The following PIGN variants were observed in gnomAD, a reference collection of about 807,000 sequenced individuals.
PIGN encodes phosphatidylinositol glycan anchor biosynthesis class N.
Under a neutral mutation model 125.4 loss-of-function variants are expected in PIGN, and 117 were observed. That is an observed-to-expected ratio of 0.93 (90% CI 0.80 to 1.09). The LOEUF is 1.09. Ranked by LOEUF, PIGN falls within the 50% of genes least tolerant of loss-of-function variation. The probability of loss-of-function intolerance (pLI) is 0.00; values close to 1 mark genes in which losing one functional copy is unlikely to be tolerated. For missense variants in PIGN, 1,075 were observed against 1,094.9 expected (o/e 0.98, Z 0.26); for synonymous variants, 392 against 377.8 (o/e 1.04, Z -0.44).
chr18:62,142,387 A>C (rs1599618861), intron 11 of PIGN, among the ~76,000 whole-genome samples: 1 of 152,366 alleles, frequency 6.6e-6, no homozygotes, highest in Middle Eastern at 3.4e-3. Context: ...TGGTCTGGCT[A>C]TGAATAAGGG....
chr18:62,132,179 T>C (rs950479491), intron 14 of PIGN, among the ~76,000 whole-genome samples: 1 of 152,184 alleles, frequency 6.6e-6, no homozygotes, highest in African/African-American at 2.4e-5. Flanking sequence ...CATGCTGACA[T>C]TATGTGCATA....
intron 14 of PIGN, among the ~76,000 whole-genome samples, chr18:62,132,179 T>A (rs950479491): frequency 1.3e-5 from 2 of 152,300 alleles, no homozygotes; most frequent in Non-Finnish European, 1.5e-5. Flanking sequence ...CATGCTGACA[T>A]TATGTGCATA....
chr18:62,120,514 A>T (rs2035262829), intron 14 of PIGN, among the ~76,000 whole-genome samples: 3 of 152,162 alleles, frequency 2.0e-5, no homozygotes, highest in South Asian at 2.1e-4. Flanking sequence ...AGTAAATCTA[A>T]ATAAATGTTG....
At chr18:62,082,580 T>C (rs1311331997) in intron 28 of PIGN, 93 bp downstream of exon 28, 3 of 692,934 alleles carry the variant, frequency 4.3e-6, no homozygotes, top group Non-Finnish European at 7.7e-6. Context: ...TGTTACAGTG[T>C]CTTAATAGCA....
At chr18:62,132,760 T>C (rs1330539667) in intron 14 of PIGN, among the ~76,000 whole-genome samples, 1 of 152,230 alleles carries the variant, frequency 6.6e-6, no homozygotes, top group East Asian at 1.9e-4. Context: ...TTATATTTTA[T>C]AGACCTCACA....
At chr18:62,022,699 GTATT>G (rs1568102714) in intron 23 of PIGN, among the ~76,000 whole-genome samples, 1 of 152,078 alleles carries the variant, frequency 6.6e-6, no homozygotes, top group African/African-American at 2.4e-5. Context: ...AATGAAACTA[GTATT>G]TATTTAGTAC....
chr18:62,163,773 A>C, intron 1 of PIGN, 117 bp from the exon 2 acceptor site: 1 of 152,206 alleles, frequency 6.6e-6, no homozygotes, highest in Non-Finnish European at 1.5e-5. Context: ...TGTACAACCA[A>C]TCTCCAGAAC....
chr18:62,021,865 C>G (rs1370206773), intron 23 of PIGN, among the ~76,000 whole-genome samples: 33 of 152,310 alleles, frequency 2.2e-4, no homozygotes, highest in Non-Finnish European at 7.4e-5. Flanking sequence ...ACATTCTTAT[C>G]TGGAGCTTTA....
chr18:62,047,073 C>CAAGGA (rs2030780861), intron 30 of PIGN, among the ~76,000 whole-genome samples: 1 of 152,228 alleles, frequency 6.6e-6, no homozygotes, highest in African/African-American at 2.4e-5. Flanking sequence ...AAGGGACAGA[C>CAAGGA]AAGGAAAGGG....
chr18:62,071,242 C>G (rs1157829392), intron 30 of PIGN, among the ~76,000 whole-genome samples: 1 of 152,180 alleles, frequency 6.6e-6, no homozygotes, highest in Non-Finnish European at 1.5e-5. Flanking sequence ...CCTCATTTTT[C>G]TAAACAGAGA....
At chr18:62,107,939 C>T (rs185597497) in intron 17 of PIGN, among the ~76,000 whole-genome samples, 1 of 152,154 alleles carries the variant, frequency 6.6e-6, no homozygotes, top group East Asian at 1.9e-4. Context: ...AACTCATAAC[C>T]ATCAAAAATG....
At chr18:62,112,538 T>A (rs1039216576) in intron 16 of PIGN, 5 of 152,300 alleles carry the variant, frequency 3.3e-5, no homozygotes, top group African/African-American at 1.2e-4. Context: ...ATATGAAGTA[T>A]CATTAAAGAG....
chr18:62,074,653 A>C (rs1424356098), intron 29 of PIGN, 126 bp downstream of exon 29: 1 of 574,836 alleles, frequency 1.7e-6, no homozygotes, highest in Non-Finnish European at 3.1e-6. Flanking sequence ...TATTGTGTAA[A>C]TTATGCCAGC....
chr18:62,111,240 TG>T, intron 16 of PIGN, among the ~76,000 whole-genome samples: 1 of 152,252 alleles, frequency 6.6e-6, no homozygotes, highest in South Asian at 2.1e-4. Context: ...TTTAGGGTAG[TG>T]TTAAGCCTAA....
chr18:62,067,873 T>C (rs2032616230), intron 30 of PIGN, among the ~76,000 whole-genome samples: 1 of 152,210 alleles, frequency 6.6e-6, no homozygotes, highest in Admixed American at 6.5e-5. Flanking sequence ...AGTGTGTATT[T>C]CACTTTTTAA....
intron 1 of PIGN, among the ~76,000 whole-genome samples, chr18:62,182,156 T>G (rs575722378): frequency 2.2e-4 from 33 of 152,320 alleles, no homozygotes; most frequent in African/African-American, 7.9e-4. Context: ...TACTCAAAAC[T>G]TGGTCCTCAG....
chr18:62,086,429 C>T (rs1276700241), intron 25 of PIGN, among the ~76,000 whole-genome samples: 1 of 151,806 alleles, frequency 6.6e-6, no homozygotes, highest in African/African-American at 2.4e-5. Flanking sequence ...CCATCCTGGC[C>T]AACATGGTGA....
intron 22 of PIGN, among the ~76,000 whole-genome samples, 164 bp downstream of exon 22, chr18:62,100,909 TTC>T (rs1203137452): frequency 2.6e-5 from 4 of 152,194 alleles, no homozygotes; most frequent in Non-Finnish European, 4.4e-5. Context: ...AACATAAAAA[TTC>T]TCTTTGTTAA....
Position 62,109,864 on chromosome 18 carries a change from G to A in PIGN, c.1544C>T (p.Pro515Leu), listed in dbSNP as rs1489526103. ...TAGAACCGCATACCATATTGGCAGT[G>A]GCAACAAACCATATACATAATATGT... Reference protein sequence around the residue: ...PWTYYVYGLLPLPIWYAVLRE... With the variant: ...PWTYYVYGLLLLPIWYAVLRE... The change falls in exon 17 of 31, where the codon CCA becomes CTA. Residue 515 changes from proline to leucine, a missense_variant. Transcript: ENST00000640252. The A allele has an allele frequency of 1.9e-6, 3 of 1,612,476 alleles. No individual in the cohort carries two copies. The highest frequency in any genetic ancestry group is 2.2e-5 in the South Asian group (2 of 90,862).
Sources: gnomAD v4.1 joint callset for allele counts (sites outside exome capture counted in the v4.1 genomes callset) on GRCh38, gnomAD v4.1.1 for gene constraint, MANE v1.5 for transcripts, NCBI Gene and HGNC (gene_info 2026-07-23, HGNC 2026-07-21) for gene names.